GSE1: variants seen among roughly 807,000 people sequenced by gnomAD.
GSE1 encodes the protein Gse1 coiled-coil protein.
In GSE1, 32 loss-of-function variants were observed where a neutral mutation model predicts 112.6. The ratio of observed to expected loss-of-function variants is 0.28; its 90% CI spans 0.21 to 0.38. The LOEUF (loss-of-function observed/expected upper bound fraction) is 0.38, where lower values mean the gene tolerates loss of function less well. Among genes scored for constraint, GSE1 ranks in the 10% least tolerant of loss-of-function variants. The pLI, the probability that GSE1 is intolerant of heterozygous loss-of-function variation, is 1.00. For synonymous variants in GSE1, 1,115 were observed against 735.6 expected, an observed-to-expected ratio of 1.52 and a Z score of -8.35; for missense variants, 2,348 against 1,699.2, an observed-to-expected ratio of 1.38 and a Z score of -6.71.
chr16:85,331,189 G>A (rs2046332562), intron 1 of GSE1, among the ~76,000 whole-genome samples: 1 of 149,642 alleles, frequency 6.7e-6, no homozygotes, highest in Admixed American at 6.7e-5. Context: ...CTCTCACTGT[G>A]TCACCCAGGC....
At chr16:85,579,902 T>C (rs2046378299) in intron 1 of GSE1, 1 of 152,160 alleles carries the variant, frequency 6.6e-6, no homozygotes, top group Non-Finnish European at 1.5e-5. Context: ...CACTACACAC[T>C]AGTCACTAAG....
At chr16:85,564,671 G>A (rs1425852820) in intron 1 of GSE1, among the ~76,000 whole-genome samples, 1 of 152,204 alleles carries the variant, frequency 6.6e-6, no homozygotes, top group Non-Finnish European at 1.5e-5. Context: ...AAGCCTGTGC[G>A]TCCTTCAGAG....
At chr16:85,320,435 C>T (rs549778508) in intron 1 of GSE1, among the ~76,000 whole-genome samples, 2 of 97,042 alleles carry the variant, frequency 2.1e-5, no homozygotes, top group Admixed American at 1.1e-4. Flanking sequence ...CCACCATACC[C>T]GGCTAATGTT....
At chr16:85,514,962 T>C (rs1215860338) in intron 2 of GSE1, among the ~76,000 whole-genome samples, 2 of 152,196 alleles carry the variant, frequency 1.3e-5, no homozygotes, top group Non-Finnish European at 2.9e-5. Context: ...TGAGTGTGCA[T>C]GTGAGCGTGC....
chr16:85,477,577 T>TTC (rs10700150), intron 2 of GSE1, among the ~76,000 whole-genome samples: 9 of 150,588 alleles, frequency 6.0e-5, no homozygotes, highest in Non-Finnish European at 1.3e-4. Context: ...TTTTTTTTTT[T>TTC]TGAGATGGAG....
chr16:85,278,027 G>A (rs1048056710), intron 1 of GSE1, among the ~76,000 whole-genome samples: 2 of 152,238 alleles, frequency 1.3e-5, no homozygotes, highest in Non-Finnish European at 2.9e-5. Flanking sequence ...CAATATTGGC[G>A]GCATGTGTCC....
chr16:85,396,469 TC>T (rs374381115), intron 2 of GSE1, among the ~76,000 whole-genome samples: 170 of 152,326 alleles, frequency 1.1e-3, no homozygotes, highest in African/African-American at 3.9e-3. Context: ...CAAGTCTAGT[TC>T]CATGCTGGGT....
intron 1 of GSE1, among the ~76,000 whole-genome samples, chr16:85,324,345 A>T (rs1309257495): frequency 6.6e-6 from 1 of 152,174 alleles, no homozygotes; most frequent in Non-Finnish European, 1.5e-5. Flanking sequence ...CCCCGTCTCT[A>T]CTAAAAATAC....
intron 2 of GSE1, among the ~76,000 whole-genome samples, chr16:85,426,055 ATGG>A (rs2048971911): frequency 4.7e-5 from 6 of 127,420 alleles, no homozygotes; most frequent in East Asian, 2.4e-4. Flanking sequence ...GGATGGATGG[ATGG>A]ATGGATGGAT....
At chr16:85,625,265 G>A (rs1276031804) in intron 1 of GSE1, among the ~76,000 whole-genome samples, 4 of 152,210 alleles carry the variant, frequency 2.6e-5, no homozygotes, top group Admixed American at 2.0e-4. Flanking sequence ...GGATAATCGC[G>A]TCAAATGTTG....
chr16:85,247,666 C>T (rs1459335620), intron 1 of GSE1, among the ~76,000 whole-genome samples: 6 of 152,218 alleles, frequency 3.9e-5, no homozygotes, highest in South Asian at 2.1e-4. Flanking sequence ...TGGGGCTCCC[C>T]GGCCAGCTGG....
intron 1 of GSE1, among the ~76,000 whole-genome samples, chr16:85,600,047 G>T (rs1197032371): frequency 1.3e-5 from 2 of 152,188 alleles, no homozygotes; most frequent in Non-Finnish European, 2.9e-5. Flanking sequence ...TACCCCTCTG[G>T]GTCTCTGTGG....
At chr16:85,183,657 T>G (rs1232882038) in intron 1 of GSE1, among the ~76,000 whole-genome samples, 1 of 152,246 alleles carries the variant, frequency 6.6e-6, no homozygotes, top group Non-Finnish European at 1.5e-5. Flanking sequence ...GTAAGTCGAC[T>G]GGCCTGTCTT....
chr16:85,179,811 C>T (rs768815828), intron 1 of GSE1, among the ~76,000 whole-genome samples: 3 of 152,224 alleles, frequency 2.0e-5, no homozygotes, highest in South Asian at 2.1e-4. Context: ...TTTTGCCTTG[C>T]TCCAGCCACA....
intron 2 of GSE1, among the ~76,000 whole-genome samples, chr16:85,457,099 A>T (rs1053433106): frequency 2.0e-5 from 3 of 152,206 alleles, no homozygotes; most frequent in African/African-American, 7.2e-5. Flanking sequence ...GGGGTAAGCC[A>T]GGCAGTTCCT....
Position 85,378,550 on chromosome 16 carries a change from T to A in GSE1, c.2464+20907T>A, listed in dbSNP as rs542039587. Among the ~76,000 whole-genome samples, 14 of 152,088 alleles carry A rather than the reference T, an allele frequency of 9.2e-5. 1 individual carries two copies. In the South Asian group the frequency reaches 2.1e-3, roughly 23 times the overall value. ...CTCTATAATCAGCACCATGACAGCG[T>A]ACACATGCAGCGCTCACCAGACAGG... On this transcript the variant is annotated intron_variant, in intron 2 of 2. Coordinates refer to the GSE1 transcript ENST00000637419.
At chr16:85,330,583 C>T (rs146850993) in intron 1 of GSE1, among the ~76,000 whole-genome samples, 6 of 152,344 alleles carry the variant, frequency 3.9e-5, no homozygotes, top group South Asian at 2.1e-4. Flanking sequence ...GGGGCTGCAG[C>T]GCCCCACTGC....
At chr16:85,190,316 T>A (rs2074795472) in intron 1 of GSE1, among the ~76,000 whole-genome samples, 1 of 152,250 alleles carries the variant, frequency 6.6e-6, no homozygotes, top group Non-Finnish European at 1.5e-5. Flanking sequence ...TATCTCAGAA[T>A]CACAGATCAT....
intron 2 of GSE1, among the ~76,000 whole-genome samples, chr16:85,536,321 G>C (rs764700402): frequency 8.5e-5 from 13 of 152,226 alleles, no homozygotes; most frequent in African/African-American, 3.1e-4. Context: ...CCTTCTCTCA[G>C]TAAGTAACAG....
Sources: gnomAD v4.1 joint callset for allele counts (sites outside exome capture counted in the v4.1 genomes callset) on GRCh38, gnomAD v4.1.1 for gene constraint, MANE v1.5 for transcripts, NCBI Gene and HGNC (gene_info 2026-07-23, HGNC 2026-07-21) for gene names.